THRAP3: variants seen among roughly 807,000 people sequenced by gnomAD.
THRAP3 encodes the protein thyroid hormone receptor associated protein 3.
THRAP3 carries 16 observed loss-of-function variants against 101.0 expected under a neutral mutation model. That is an observed-to-expected ratio of 0.16 (90% CI 0.11 to 0.24). THRAP3 has a LOEUF of 0.24. Among genes scored for constraint, THRAP3 ranks in the 10% least tolerant of loss-of-function variants. The probability of loss-of-function intolerance (pLI) is 1.00; values close to 1 mark genes in which losing one functional copy is unlikely to be tolerated. For synonymous variants in THRAP3, 407 were observed against 422.6 expected (o/e 0.96, Z 0.45); for missense variants, 989 against 1,202.7 (o/e 0.82, Z 2.63).
chr1:36,222,857 C>T (rs1476501725), upstream of THRAP3, among the ~76,000 whole-genome samples: 1 of 151,958 alleles, frequency 6.6e-6, no homozygotes, highest in African/African-American at 2.4e-5. Context: ...GGTTCAGCCC[C>T]GTGGCTCACG....
At chr1:36,299,580 A>G (rs1040803924) in intron 9 of THRAP3, among the ~76,000 whole-genome samples, 4 of 151,062 alleles carry the variant, frequency 2.6e-5, no homozygotes, top group Non-Finnish European at 5.9e-5. Flanking sequence ...GGCTCACTGC[A>G]ACCTCTGCCT....
intron 8 of THRAP3, among the ~76,000 whole-genome samples, chr1:36,296,216 C>T (rs1447651688): frequency 1.3e-5 from 2 of 151,962 alleles, no homozygotes; most frequent in Non-Finnish European, 2.9e-5. Flanking sequence ...TCAAGTGATC[C>T]GCCTGCCTCG....
chr1:36,236,894 A>G (rs540229690), intron 1 of THRAP3, among the ~76,000 whole-genome samples: 48 of 152,070 alleles, frequency 3.2e-4, no homozygotes, highest in African/African-American at 1.0e-3. Context: ...TTTAAAAACA[A>G]TGCTGGGTGT....
At chr1:36,218,011 G>C in the THRAP3 span, among the ~76,000 whole-genome samples, 1 of 152,154 alleles carries the variant, frequency 6.6e-6, no homozygotes, top group East Asian at 1.9e-4. Context: ...AGCCTAGACA[G>C]GCAGAAAGCT....
At chr1:36,269,327 T>A (rs1645558699) in intron 2 of THRAP3, among the ~76,000 whole-genome samples, 1 of 152,106 alleles carries the variant, frequency 6.6e-6, no homozygotes, top group Non-Finnish European at 1.5e-5. Flanking sequence ...CTGCAGCCTT[T>A]TGGGGTTGCT....
chr1:36,302,399 G>A (rs1009523982), intron 11 of THRAP3, among the ~76,000 whole-genome samples: 5 of 152,228 alleles, frequency 3.3e-5, no homozygotes, highest in Admixed American at 1.3e-4. Context: ...ATGGCTATGC[G>A]TGGCCACCAT....
chr1:36,282,707 G>T lies in THRAP3; in HGVS notation c.137+7G>T. The T allele has an allele frequency of 6.2e-7, 1 of 1,613,958 alleles. No individual in the cohort carries two copies. The highest frequency in any genetic ancestry group is 8.5e-7 in the Non-Finnish European group (1 of 1,179,920). On this transcript the variant is annotated splice_region_variant and intron_variant, in intron 3 of 11. Coordinates refer to ENST00000354618, the MANE Select transcript of THRAP3 (RefSeq NM_005119.4). ...CAAGGAAGCGCAGGCTGAGGTAAGGGGGTGTGACTTTGTATATTGAGATAA... is the reference window on the plus strand; with the variant it reads ...CAAGGAAGCGCAGGCTGAGGTAAGGTGGTGTGACTTTGTATATTGAGATAA...
chr1:36,249,685 A>AGTGTGTGGTGT (rs1553193624), intron 1 of THRAP3, among the ~76,000 whole-genome samples: 19 of 138,114 alleles, frequency 1.4e-4, no homozygotes, highest in South Asian at 4.9e-4. Flanking sequence ...GCAGGTGGTG[A>AGTGTGTGGTGT]GTGTGTGTGT....
intron 1 of THRAP3, among the ~76,000 whole-genome samples, chr1:36,243,926 G>A (rs1418953651): frequency 1.6e-5 from 2 of 123,508 alleles, no homozygotes; most frequent in Admixed American, 7.7e-5. Flanking sequence ...GCGGGGGGCT[G>A]ACCCCCCCAC....
At chr1:36,256,173 C>T (rs1021706802) in intron 1 of THRAP3, among the ~76,000 whole-genome samples, 1 of 149,130 alleles carries the variant, frequency 6.7e-6, no homozygotes, top group African/African-American at 2.5e-5. Flanking sequence ...TAAGCCACCA[C>T]ACCTGGCCTG....
At chr1:36,225,560 A>G (rs533506835) in intron 1 of THRAP3, 58 of 152,276 alleles carry the variant, frequency 3.8e-4, no homozygotes, top group African/African-American at 1.3e-3. Context: ...ATCATCATTT[A>G]TAGGTTTTTT....
chr1:36,252,339 G>A (rs982762724), intron 1 of THRAP3, among the ~76,000 whole-genome samples: 1 of 152,122 alleles, frequency 6.6e-6, no homozygotes, highest in Non-Finnish European at 1.5e-5. Context: ...TGGTCAGGCT[G>A]GCCTGGAACT....
chr1:36,216,257 C>T, the THRAP3 span, among the ~76,000 whole-genome samples: 12 of 151,928 alleles, frequency 7.9e-5, no homozygotes, highest in Middle Eastern at 0.01. Flanking sequence ...CTGTAGCTCA[C>T]GCCTGTAATC....
At chr1:36,277,633 A>G (rs1645677709) in intron 2 of THRAP3, among the ~76,000 whole-genome samples, 1 of 152,106 alleles carries the variant, frequency 6.6e-6, no homozygotes, top group African/African-American at 2.4e-5. Flanking sequence ...CAAGTCTCCC[A>G]AGTAGCTGGG....
upstream of THRAP3, among the ~76,000 whole-genome samples, chr1:36,221,895 T>C (rs1466267871): frequency 6.6e-6 from 1 of 151,374 alleles, no homozygotes; most frequent in Admixed American, 6.6e-5. Context: ...CCGCAACCTC[T>C]GCCTTCTGGG....
chr1:36,294,258 C>A, intron 8 of THRAP3: 1 of 1,088,090 alleles, frequency 9.2e-7, no homozygotes, highest in Non-Finnish European at 1.1e-6. Flanking sequence ...ATTATCAAAT[C>A]AACTGTATAC....
intron 9 of THRAP3, among the ~76,000 whole-genome samples, chr1:36,299,687 T>G (rs1367490282): frequency 1.3e-5 from 2 of 151,830 alleles, no homozygotes; most frequent in African/African-American, 2.4e-5. Flanking sequence ...TTTTGTATTT[T>G]TAGTAGAGAT....
rs1273883657 is a variant in THRAP3 at position 36,304,542 on chromosome 1, T to C, written c.*525T>C. On this transcript the variant is annotated 3_prime_UTR_variant, in exon 12 of 12. Transcript: ENST00000354618. ...ATTCTTGAAAGAGAAAACAAAAGCATGTGAATAAACTTTGAAGTGTTCACC... is the reference window on the plus strand; with the variant it reads ...ATTCTTGAAAGAGAAAACAAAAGCACGTGAATAAACTTTGAAGTGTTCACC... 4.6e-6 allele frequency: 1 copy of C among 219,296 alleles called. No individual in the cohort carries two copies. The highest frequency in any genetic ancestry group is 9.1e-6 in the Non-Finnish European group (1 of 109,448). 13.6% of individuals were successfully genotyped at this position (219,296 alleles called of 1,614,324 possible). A position where few individuals can be genotyped will look rare whatever the true frequency, so the allele number is the denominator to read the frequency against.
At chr1:36,299,050 C>T (rs1032071732) in intron 9 of THRAP3, among the ~76,000 whole-genome samples, 6 of 152,162 alleles carry the variant, frequency 3.9e-5, no homozygotes, top group African/African-American at 1.4e-4. Flanking sequence ...TGCCTTGGCC[C>T]TCTGAAGTGC....
Sources: allele counts gnomAD v4.1 joint callset (sites outside exome capture counted in the v4.1 genomes callset), GRCh38; gene constraint gnomAD v4.1.1; transcripts MANE v1.5; gene names NCBI Gene and HGNC (gene_info 2026-07-23, HGNC 2026-07-21).